CNTNAP2: variants seen among roughly 807,000 people sequenced by gnomAD.
CNTNAP2 encodes the protein contactin-associated protein-like 2.
CNTNAP2 carries 98 observed loss-of-function variants against 155.2 expected under a neutral mutation model. The ratio of observed to expected loss-of-function variants is 0.63; its 90% confidence interval spans 0.54 to 0.75. The LOEUF (loss-of-function observed/expected upper bound fraction) is 0.75, where lower values mean the gene tolerates loss of function less well. Ranked by LOEUF, CNTNAP2 falls within the 30% of genes least tolerant of loss-of-function variation. The pLI is 0.00. For missense variants in CNTNAP2, 1,727 were observed against 1,688.1 expected, an observed-to-expected ratio of 1.02 and a Z score of -0.40; for synonymous variants, 651 against 631.2, an observed-to-expected ratio of 1.03 and a Z score of -0.47.
chr7:146,526,660 T>C (rs954146529), intron 1 of CNTNAP2, among the ~76,000 whole-genome samples: 2 of 152,154 alleles, frequency 1.3e-5, no homozygotes, highest in Non-Finnish European at 2.9e-5. Context: ...TGAGTGGGGA[T>C]GTACATTCAA....
chr7:147,808,611 C>T (rs867352660), intron 13 of CNTNAP2, among the ~76,000 whole-genome samples: 8 of 152,290 alleles, frequency 5.3e-5, no homozygotes, highest in Middle Eastern at 3.4e-3. Context: ...AATTTCTTTG[C>T]CTCCAATGTT....
rs1237864724 is a variant in CNTNAP2 at position 147,043,893 on chromosome 7, A to G, written c.403-14A>G. 1.9e-6 allele frequency: 3 copies of G among 1,614,052 alleles called. No individual in the cohort carries two copies. Among genetic ancestry groups the G allele is most frequent in the African/African-American group, 1.3e-5 (1 of 75,044 alleles). ...TATTTTTCCCAATTTTTAAAATACT[A>G]TTTCCTTTTCCAGGCATTTCCCGGA... On this transcript the variant is annotated splice_polypyrimidine_tract_variant and intron_variant, in intron 3 of 23. Coordinates refer to ENST00000361727, the MANE Select transcript of CNTNAP2 (RefSeq NM_014141.6).
rs1028612724 is a variant in CNTNAP2 at position 146,314,409 on chromosome 7, C to T, written c.97+197436C>T. Among the ~76,000 whole-genome samples the T allele has an allele frequency of 1.4e-4, 22 of 152,192 alleles. 1 individual carries two copies. In the South Asian group the frequency reaches 1.5e-3, roughly 10 times the overall value. On this transcript the variant is annotated intron_variant, in intron 1 of 23. Coordinates refer to ENST00000361727, the MANE Select transcript of CNTNAP2 (RefSeq NM_014141.6). Reference sequence around the variant, plus strand: ...GCTGGAGAGGTCGGGGTGTTAGATGCGTGTTCCAGTTCTTTCTGTCTCTCT... The same window carrying T: ...GCTGGAGAGGTCGGGGTGTTAGATGTGTGTTCCAGTTCTTTCTGTCTCTCT...
At position 146,428,481 on chromosome 7, in the gene CNTNAP2, C is replaced by T. The variant is rs565072309; in HGVS notation, c.97+311508C>T. Among the ~76,000 whole-genome samples, 9 of 151,672 alleles carry T rather than the reference C, an allele frequency of 5.9e-5. No individual in the cohort carries two copies. The South Asian group carries it at 6.3e-4, about 11-fold the overall frequency. On this transcript the variant is annotated intron_variant, in intron 1 of 23. Coordinates refer to ENST00000361727, the MANE Select transcript of CNTNAP2 (RefSeq NM_014141.6). ...GGTGTCTCATTGTGGTTTTGATTTA[C>T]GTTTTTTTAATGATCAGTGATGCTA...
intron 1 of CNTNAP2, among the ~76,000 whole-genome samples, chr7:146,286,238 A>T (rs1800334895): frequency 6.6e-6 from 1 of 151,406 alleles, no homozygotes. Context: ...TATCTGCTTT[A>T]TCTGAGTCTT....
At chr7:146,151,698 GTATATATATATATATGTA>G (rs1366004538) in intron 1 of CNTNAP2, among the ~76,000 whole-genome samples, 5 of 74,098 alleles carry the variant, frequency 6.7e-5, no homozygotes, top group Non-Finnish European at 1.4e-4. Flanking sequence ...ATATATATAT[GTATATATATATATATGTA>G]TATATATATA....
chr7:146,326,972 C>A (rs1317101843), intron 1 of CNTNAP2, among the ~76,000 whole-genome samples: 1 of 151,854 alleles, frequency 6.6e-6, no homozygotes, highest in Non-Finnish European at 1.5e-5. Flanking sequence ...TTTTATTCCC[C>A]CAGAGAAAAG....
At chr7:148,215,059 T>C (rs546292892) in intron 18 of CNTNAP2, among the ~76,000 whole-genome samples, 4 of 152,308 alleles carry the variant, frequency 2.6e-5, no homozygotes, top group African/African-American at 9.6e-5. Flanking sequence ...TGAAAAGCTA[T>C]AGTTAAGTCT....
intron 13 of CNTNAP2, among the ~76,000 whole-genome samples, chr7:147,792,086 C>T (rs555380366): frequency 7.2e-5 from 11 of 152,344 alleles, no homozygotes; most frequent in African/African-American, 2.4e-4. Flanking sequence ...GTGGTCCTCT[C>T]TCTGTGCCCC....
chr7:147,453,723 C>T (rs1797873144), intron 10 of CNTNAP2, among the ~76,000 whole-genome samples: 1 of 152,076 alleles, frequency 6.6e-6, no homozygotes, highest in Non-Finnish European at 1.5e-5. Flanking sequence ...TAAAGTACAA[C>T]AAACTCCCAT....
chr7:146,875,917 C>CACACACAT, intron 3 of CNTNAP2, among the ~76,000 whole-genome samples: 1 of 114,704 alleles, frequency 8.7e-6, no homozygotes, highest in East Asian at 2.7e-4. Context: ...CACACACACA[C>CACACACAT]ACACACACAT....
At chr7:147,017,508 T>A (rs974817258) in intron 3 of CNTNAP2, among the ~76,000 whole-genome samples, 19 of 152,080 alleles carry the variant, frequency 1.2e-4, no homozygotes, top group African/African-American at 4.3e-4. Context: ...TAAAAGTATC[T>A]CAAGTAAAAT....
chr7:148,033,814 G>A (rs901832089), intron 15 of CNTNAP2, among the ~76,000 whole-genome samples: 1 of 152,090 alleles, frequency 6.6e-6, no homozygotes, highest in African/African-American at 2.4e-5. Context: ...TAAGGATGGT[G>A]GATTGCCCAC....
At chr7:147,527,344 A>G (rs775294301) in intron 11 of CNTNAP2, among the ~76,000 whole-genome samples, 3 of 151,998 alleles carry the variant, frequency 2.0e-5, no homozygotes, top group South Asian at 2.1e-4. Context: ...TTCTTTTCAT[A>G]TTTTATAAAT....
intron 13 of CNTNAP2, among the ~76,000 whole-genome samples, chr7:147,662,597 G>A (rs963262166): frequency 3.9e-5 from 6 of 152,150 alleles, no homozygotes; most frequent in African/African-American, 1.4e-4. Context: ...TTCTTGTATG[G>A]GTGCGAGTGA....
At chr7:147,638,418 G>T (rs902184475) in intron 12 of CNTNAP2, among the ~76,000 whole-genome samples, 1 of 152,154 alleles carries the variant, frequency 6.6e-6, no homozygotes, top group Non-Finnish European at 1.5e-5. Flanking sequence ...ATTATCTTAG[G>T]TTCTTAGAGA....
At chr7:146,774,034 T>C (rs953851294) in intron 1 of CNTNAP2, among the ~76,000 whole-genome samples, 8 of 152,142 alleles carry the variant, frequency 5.3e-5, no homozygotes, top group Non-Finnish European at 1.2e-4. Flanking sequence ...TGAGGTGAAG[T>C]CCTTTGGAGT....
intron 1 of CNTNAP2, among the ~76,000 whole-genome samples, chr7:146,669,302 A>G (rs769075141): frequency 7.9e-5 from 12 of 152,132 alleles, no homozygotes; most frequent in East Asian, 1.9e-4. Context: ...TTACTTTGAC[A>G]TGGAGATTTT....
intron 3 of CNTNAP2, among the ~76,000 whole-genome samples, chr7:146,859,618 C>T (rs1201214279): frequency 1.3e-5 from 2 of 151,760 alleles, no homozygotes; most frequent in Non-Finnish European, 2.9e-5. Flanking sequence ...GATCGCACAC[C>T]GTTGCACTCC....
Sources: allele counts gnomAD v4.1 joint callset (sites outside exome capture counted in the v4.1 genomes callset), GRCh38; gene constraint gnomAD v4.1.1; transcripts MANE v1.5; gene names NCBI Gene and HGNC (gene_info 2026-07-23, HGNC 2026-07-21).